The following CADM1 variants were observed in gnomAD, a reference collection of about 807,000 sequenced individuals.
CADM1 encodes TSLC-1.
A neutral mutation model predicts 53.1 loss-of-function variants in CADM1; 15 were observed. The observed-to-expected ratio is 0.28, with a 90% CI of 0.19 to 0.44. The LOEUF (loss-of-function observed/expected upper bound fraction) is 0.44, where lower values mean the gene tolerates loss of function less well. Ranked by LOEUF, CADM1 falls within the 20% of genes least tolerant of loss-of-function variation. The pLI is 1.00. For synonymous variants in CADM1, 281 were observed against 243.0 expected (o/e 1.16, Z -1.45); for missense variants, 434 against 611.3 (o/e 0.71, Z 3.06).
intron 3 of CADM1, among the ~76,000 whole-genome samples, chr11:115,235,954 T>C (rs1941995830): frequency 6.6e-6 from 1 of 152,156 alleles, no homozygotes; most frequent in South Asian, 2.1e-4. Flanking sequence ...TGAATATCCT[T>C]AAAGGCAACA....
At chr11:115,398,255 T>C (rs374714552) in intron 1 of CADM1, among the ~76,000 whole-genome samples, 1 of 152,208 alleles carries the variant, frequency 6.6e-6, no homozygotes, top group African/African-American at 2.4e-5. Context: ...GCTTTTAAAA[T>C]AATTTAAAAT....
chr11:115,289,116 G>C (rs1943807867), intron 1 of CADM1, among the ~76,000 whole-genome samples: 1 of 152,210 alleles, frequency 6.6e-6, no homozygotes, highest in African/African-American at 2.4e-5. Flanking sequence ...TATAATCCCA[G>C]CACTCTGAGA....
In CADM1 at chr11:115,189,420, T is replaced by C. The variant is rs571324969; in HGVS notation, c.1165+1468A>G. On this transcript the variant is annotated intron_variant, in intron 10 of 11. Transcript: ENST00000331581. ...AGGGCCAACACACCCACCAGCTTTC[T>C]TAGGATCTTTGAGAAGATCCAATTG... Among the ~76,000 whole-genome samples, 403 of 152,324 alleles carry C rather than the reference T, an allele frequency of 2.6e-3. 6 individuals are homozygous for C. The highest frequency in any genetic ancestry group is 2.3e-3 in the Non-Finnish European group (158 of 68,018).
intron 1 of CADM1, among the ~76,000 whole-genome samples, chr11:115,343,885 TTTC>T (rs906182933): frequency 6.6e-6 from 1 of 152,102 alleles, no homozygotes; most frequent in Non-Finnish European, 1.5e-5. Flanking sequence ...TACGATTGAG[TTTC>T]TTCTTAGTGT....
chr11:115,238,326 C>T (rs1438802596), intron 3 of CADM1, among the ~76,000 whole-genome samples, 174 bp downstream of exon 3: 1 of 152,196 alleles, frequency 6.6e-6, no homozygotes, highest in African/African-American at 2.4e-5. Flanking sequence ...CTGCTGATTG[C>T]CATTCCTTAC....
intron 1 of CADM1, among the ~76,000 whole-genome samples, chr11:115,442,587 A>G (rs974117491): frequency 6.6e-6 from 1 of 152,214 alleles, no homozygotes; most frequent in Non-Finnish European, 1.5e-5. Context: ...CAGATCGGCA[A>G]TTACGTGTGT....
At chr11:115,499,367 G>A (rs1380397103) in intron 1 of CADM1, among the ~76,000 whole-genome samples, 1 of 152,192 alleles carries the variant, frequency 6.6e-6, no homozygotes, top group Non-Finnish European at 1.5e-5. Context: ...CTATGAAGGT[G>A]CTTTGGATGA....
At chr11:115,342,961 A>C (rs186445615) in intron 1 of CADM1, among the ~76,000 whole-genome samples, 6 of 152,190 alleles carry the variant, frequency 3.9e-5, no homozygotes, top group African/African-American at 1.4e-4. Context: ...TTCACTTCTA[A>C]GAACTTACCC....
intron 10 of CADM1, among the ~76,000 whole-genome samples, chr11:115,182,863 A>T (rs374910148): frequency 2.6e-5 from 4 of 152,218 alleles, no homozygotes; most frequent in African/African-American, 9.7e-5. Context: ...TTCGTGAGTT[A>T]GCTTTTCTTT....
intron 1 of CADM1, among the ~76,000 whole-genome samples, chr11:115,490,193 G>A (rs1949461212): frequency 6.6e-6 from 1 of 152,118 alleles, no homozygotes; most frequent in South Asian, 2.1e-4. Flanking sequence ...CAATTAAGGG[G>A]CTGTTATACC....
At chr11:115,345,691 C>T (rs549547355) in intron 1 of CADM1, among the ~76,000 whole-genome samples, 1 of 152,284 alleles carries the variant, frequency 6.6e-6, no homozygotes, top group South Asian at 2.1e-4. Context: ...CTGATGTTTA[C>T]ATCCTGTTTG....
intron 1 of CADM1, among the ~76,000 whole-genome samples, chr11:115,268,023 C>A (rs1057040497): frequency 6.6e-6 from 1 of 152,224 alleles, no homozygotes; most frequent in Non-Finnish European, 1.5e-5. Context: ...TGGTTTCACA[C>A]AGCTGCTCGC....
At chr11:115,314,067 T>A (rs1183443627) in intron 1 of CADM1, among the ~76,000 whole-genome samples, 1 of 152,168 alleles carries the variant, frequency 6.6e-6, no homozygotes, top group East Asian at 1.9e-4. Flanking sequence ...TGTTCTCAAC[T>A]GACTAGTCAT....
chr11:115,436,460 G>T (rs1343077392), intron 1 of CADM1, among the ~76,000 whole-genome samples: 1 of 152,094 alleles, frequency 6.6e-6, no homozygotes. Context: ...GGACCCACCT[G>T]GCATTCTCTT....
intron 10 of CADM1, among the ~76,000 whole-genome samples, chr11:115,181,406 C>T (rs949904068): frequency 2.0e-5 from 3 of 152,156 alleles, no homozygotes; most frequent in Non-Finnish European, 4.4e-5. Context: ...ATCTTCCCCA[C>T]CCTCAAGGAC....
At chr11:115,325,233 T>A (rs1371710178) in intron 1 of CADM1, among the ~76,000 whole-genome samples, 1 of 152,084 alleles carries the variant, frequency 6.6e-6, no homozygotes, top group African/African-American at 2.4e-5. Context: ...CTCTATATGC[T>A]CCCGATCTTT....
chr11:115,231,514 T>C (rs772339652), intron 3 of CADM1, 24 bp from the exon 4 acceptor site: 10 of 1,611,346 alleles, frequency 6.2e-6, no homozygotes, highest in Non-Finnish European at 8.5e-6. Flanking sequence ...ATATGTGCTT[T>C]ATAAACACAG....
intron 1 of CADM1, among the ~76,000 whole-genome samples, chr11:115,354,459 A>G (rs1423461540): frequency 1.3e-5 from 2 of 152,164 alleles, no homozygotes; most frequent in African/African-American, 4.8e-5. Flanking sequence ...TAAACTGGAC[A>G]AGGCAGGGCA....
At chr11:115,181,624 C>T (rs1939316268) in intron 10 of CADM1, among the ~76,000 whole-genome samples, 1 of 152,232 alleles carries the variant, frequency 6.6e-6, no homozygotes, top group Non-Finnish European at 1.5e-5. Context: ...CTTCCCACCC[C>T]CACTCCCACC....
Sources: gnomAD v4.1 joint callset for allele counts (sites outside exome capture counted in the v4.1 genomes callset) on GRCh38, gnomAD v4.1.1 for gene constraint, MANE v1.5 for transcripts, NCBI Gene and HGNC (gene_info 2026-07-23, HGNC 2026-07-21) for gene names.